The following BACH2 variants were observed in gnomAD, a reference collection of about 807,000 sequenced individuals.
BACH2 encodes the protein transcription regulator protein BACH2.
BACH2 carries 5 observed loss-of-function variants against 61.8 expected under a neutral mutation model. The ratio of observed to expected loss-of-function variants is 0.08; its 90% CI spans 0.04 to 0.17. BACH2 has a LOEUF of 0.17. Ranked by LOEUF, BACH2 falls within the 10% of genes least tolerant of loss-of-function variation. The probability of loss-of-function intolerance (pLI) is 1.00; values close to 1 mark genes in which losing one functional copy is unlikely to be tolerated. For missense variants in BACH2, 824 were observed against 1,091.1 expected (o/e 0.76, Z 3.45); for synonymous variants, 446 against 440.1 (o/e 1.01, Z -0.17).
intron 7 of BACH2, among the ~76,000 whole-genome samples, chr6:89,940,676 C>T (rs1320450006): frequency 6.6e-6 from 1 of 152,146 alleles, no homozygotes; most frequent in African/African-American, 2.4e-5. Flanking sequence ...CTAGCCCAGC[C>T]CTGTCTAATA....
At chr6:90,020,876 C>T (rs1340100190) in intron 5 of BACH2, among the ~76,000 whole-genome samples, 1 of 152,094 alleles carries the variant, frequency 6.6e-6, no homozygotes, top group Non-Finnish European at 1.5e-5. Context: ...AGTAACAGAA[C>T]CCAGAATAGC....
rs1268009768 is a variant in BACH2, at chr6:90,269,163, G to A, written c.-353+2686C>T. 3.9e-5 allele frequency among the ~76,000 whole-genome samples: 6 copies of A among 152,196 alleles called. No homozygotes were observed. In the East Asian group the frequency reaches 1.2e-3, roughly 29 times the overall value. On this transcript the variant is annotated intron_variant, in intron 2 of 8. Coordinates refer to ENST00000257749, the MANE Select transcript of BACH2 (RefSeq NM_021813.4). ...ACAGAAAACAGTAACAGAGACAAGT[G>A]GCAGGGTTAGGTGGGGCTAAGGTCT...
chr6:90,047,930 T>C (rs1179272691), intron 5 of BACH2, among the ~76,000 whole-genome samples: 2 of 152,170 alleles, frequency 1.3e-5, no homozygotes, highest in Admixed American at 6.5e-5. Flanking sequence ...AGTCTCTTGG[T>C]AAATCTCTCC....
At chr6:90,159,894 A>C (rs1024977001) in intron 4 of BACH2, among the ~76,000 whole-genome samples, 3 of 152,230 alleles carry the variant, frequency 2.0e-5, no homozygotes, top group Admixed American at 2.0e-4. Flanking sequence ...TAAAAAACTG[A>C]CAATAAAAGA....
chr6:90,053,142 T>C (rs982736824), intron 5 of BACH2, among the ~76,000 whole-genome samples: 7 of 152,222 alleles, frequency 4.6e-5, no homozygotes, highest in Non-Finnish European at 7.3e-5. Flanking sequence ...TCCTTCCTCA[T>C]ATATAGGGAG....
chr6:90,016,811 T>C (rs1013934759), intron 5 of BACH2, among the ~76,000 whole-genome samples: 1 of 152,128 alleles, frequency 6.6e-6, no homozygotes, highest in African/African-American at 2.4e-5. Flanking sequence ...ACAGGTGTTT[T>C]TTTTTTTTCT....
intron 4 of BACH2, among the ~76,000 whole-genome samples, chr6:90,153,036 G>T (rs538811888): frequency 6.6e-6 from 1 of 152,124 alleles, no homozygotes; most frequent in Non-Finnish European, 1.5e-5. Flanking sequence ...ATGAATGAAG[G>T]GAGCTATGAA....
chr6:90,118,667 G>T (rs1187672373), intron 4 of BACH2, among the ~76,000 whole-genome samples: 2 of 152,166 alleles, frequency 1.3e-5, no homozygotes, highest in East Asian at 3.9e-4. Flanking sequence ...CTTAGTCATG[G>T]AAAGACCAAG....
At chr6:90,128,686 A>C (rs577687370) in intron 4 of BACH2, among the ~76,000 whole-genome samples, 1 of 152,328 alleles carries the variant, frequency 6.6e-6, no homozygotes, top group African/African-American at 2.4e-5. Context: ...TAGAAATACC[A>C]TTTGACCCAG....
chr6:90,029,931 G>C lies in BACH2; in HGVS notation c.-12-21075C>G, dbSNP rs1367102560. On this transcript the variant is annotated intron_variant, in intron 5 of 8. Transcript: ENST00000257749. ...ATAATGGGATGGTACAAAAGCAAAA[G>C]AAAGGCTTAGATTGACACAGTGAAG... Among the ~76,000 whole-genome samples, 5 of 152,326 alleles carry C rather than the reference G, an allele frequency of 3.3e-5. No individual in the cohort carries two copies. The East Asian group carries it at 9.6e-4, about 29-fold the overall frequency.
chr6:90,064,177 A>AT (rs1780826542), intron 5 of BACH2, among the ~76,000 whole-genome samples: 1 of 152,218 alleles, frequency 6.6e-6, no homozygotes, highest in Non-Finnish European at 1.5e-5. Flanking sequence ...GCTAAACAGA[A>AT]TGTGATATGT....
intron 4 of BACH2, among the ~76,000 whole-genome samples, chr6:90,125,558 A>G (rs1049105914): frequency 7.9e-5 from 12 of 152,234 alleles, no homozygotes; most frequent in African/African-American, 2.7e-4. Flanking sequence ...ATCTTAGGAA[A>G]GAGAACAGTT....
At chr6:90,221,308 G>C (rs953724453) in intron 3 of BACH2, among the ~76,000 whole-genome samples, 1 of 152,096 alleles carries the variant, frequency 6.6e-6, no homozygotes, top group South Asian at 2.1e-4. Flanking sequence ...GTGAGAAAAA[G>C]GAGGCCATTT....
At chr6:89,943,244 G>A (rs1401344784) in intron 7 of BACH2, among the ~76,000 whole-genome samples, 1 of 152,056 alleles carries the variant, frequency 6.6e-6, no homozygotes, top group Admixed American at 6.6e-5. Flanking sequence ...CTGCACCAAC[G>A]AGGCAGAGGG....
chr6:90,118,056 G>A (rs920568960), intron 4 of BACH2, among the ~76,000 whole-genome samples: 24 of 152,074 alleles, frequency 1.6e-4, no homozygotes, highest in Non-Finnish European at 2.5e-4. Context: ...TTTCATTTAT[G>A]TGGCTATGTT....
intron 5 of BACH2, among the ~76,000 whole-genome samples, chr6:90,079,436 C>A (rs558180995): frequency 6.6e-6 from 1 of 152,236 alleles, no homozygotes; most frequent in African/African-American, 2.4e-5. Flanking sequence ...TAAGGCAATT[C>A]CTTTTTAAAA....
intron 1 of BACH2, among the ~76,000 whole-genome samples, chr6:90,294,960 G>A (rs1333867397): frequency 6.6e-6 from 1 of 152,200 alleles, no homozygotes; most frequent in East Asian, 1.9e-4. Flanking sequence ...GTTCCCACTA[G>A]GCAGGAAAGG....
intron 7 of BACH2, among the ~76,000 whole-genome samples, chr6:89,944,473 C>T (rs2128355268): frequency 6.6e-6 from 1 of 152,318 alleles, no homozygotes; most frequent in South Asian, 2.1e-4. Context: ...TTCTATGCTG[C>T]CCAGCAAGGT....
At chr6:89,966,166 A>G (rs1378250981) in intron 6 of BACH2, among the ~76,000 whole-genome samples, 1 of 152,216 alleles carries the variant, frequency 6.6e-6, no homozygotes, top group Non-Finnish European at 1.5e-5. Flanking sequence ...GTATTTCTAC[A>G]GTCTTTAGTC....
Sources: gnomAD v4.1 joint callset for allele counts (sites outside exome capture counted in the v4.1 genomes callset) on GRCh38, gnomAD v4.1.1 for gene constraint, MANE v1.5 for transcripts, NCBI Gene and HGNC (gene_info 2026-07-23, HGNC 2026-07-21) for gene names.